The following PDCL3 variants were observed in gnomAD, a reference collection of about 807,000 sequenced individuals.
The protein encoded by PDCL3 is phosducin like 3.
A neutral mutation model predicts 26.5 loss-of-function variants in PDCL3; 22 were observed. The ratio of observed to expected loss-of-function variants is 0.83; its 90% CI spans 0.59 to 1.19. The LOEUF (loss-of-function observed/expected upper bound fraction) is 1.19, where lower values mean the gene tolerates loss of function less well. PDCL3 is among the 50% of genes most tolerant of loss of function. The probability of loss-of-function intolerance (pLI) is 0.00; values close to 1 mark genes in which losing one functional copy is unlikely to be tolerated. For synonymous variants in PDCL3, 81 were observed against 104.9 expected (o/e 0.77, Z 1.39); for missense variants, 246 against 294.1 (o/e 0.84, Z 1.20).
At chr2:100,573,665 C>T (rs1675222476) in intron 5 of PDCL3, among the ~76,000 whole-genome samples, 1 of 144,068 alleles carries the variant, frequency 6.9e-6, no homozygotes. Context: ...GAGCGAAACT[C>T]TATCTCAAAA....
rs1674979951 is a variant in PDCL3 at position 100,563,087 on chromosome 2, G to C, written c.6+14G>C. The C allele has an allele frequency of 6.2e-7, 1 of 1,601,892 alleles. No individual in the cohort carries two copies. The highest frequency in any genetic ancestry group is 8.5e-7 in the Non-Finnish European group (1 of 1,174,858). On this transcript the variant is annotated intron_variant, in intron 1 of 5. Coordinates refer to ENST00000264254, the MANE Select transcript of PDCL3 (RefSeq NM_024065.5). ...AACAAGATGCAGGTGAGCTAGGACG[G>C]GTCTCGGGTCTGGGGGCTGCGGCCC...
intron 5 of PDCL3, among the ~76,000 whole-genome samples, chr2:100,573,751 C>G (rs1032803264): frequency 2.0e-5 from 3 of 151,000 alleles, no homozygotes; most frequent in Non-Finnish European, 2.9e-5. Flanking sequence ...ATAGGAGATA[C>G]ATCAGTTACA....
At chr2:100,563,501 G>GAGAGCCAGGTGAGGGCTTAGTTAC (rs1269579308) in intron 1 of PDCL3, 1 of 164,522 alleles carries the variant, frequency 6.1e-6, no homozygotes. Flanking sequence ...TGGCTCCACT[G>GAGAGCCAGGTGAGGGCTTAGTTAC]AGAGCCAGGT....
At chr2:100,573,150 T>C (rs1675211940) in intron 5 of PDCL3, among the ~76,000 whole-genome samples, 1 of 151,938 alleles carries the variant, frequency 6.6e-6, no homozygotes, top group African/African-American at 2.4e-5. Context: ...CCCAAAGTGC[T>C]GAGATTACAG....
intron 4 of PDCL3, among the ~76,000 whole-genome samples, chr2:100,570,742 C>T (rs6739992): frequency 0.49 from 73,904 of 151,728 alleles, 19,306 homozygotes; most frequent in East Asian, 0.97. Context: ...TCCCAAAGTG[C>T]TGGGATTACA....
chr2:100,568,869 GAA>G (rs1675106951), intron 2 of PDCL3, 60 bp from the exon 3 acceptor site: 3 of 1,394,734 alleles, frequency 2.2e-6, no homozygotes, highest in South Asian at 2.3e-5. Context: ...GGGGAAAAAA[GAA>G]AAATACATGT....
At chr2:100,572,249 T>C (rs1273962593) in intron 5 of PDCL3, among the ~76,000 whole-genome samples, 1 of 152,198 alleles carries the variant, frequency 6.6e-6, no homozygotes, top group Non-Finnish European at 1.5e-5. Flanking sequence ...TCTTGCTCTG[T>C]CACCCAGGCT....
intron 5 of PDCL3, among the ~76,000 whole-genome samples, chr2:100,572,463 C>G (rs1472602475): frequency 2.0e-5 from 3 of 152,110 alleles, no homozygotes; most frequent in Admixed American, 1.3e-4. Flanking sequence ...CTACCCACTT[C>G]AGCCTCCCAA....
At chr2:100,571,114 CAAAAAA>C (rs59012685) in intron 4 of PDCL3, among the ~76,000 whole-genome samples, 5 of 109,080 alleles carry the variant, frequency 4.6e-5, no homozygotes, top group East Asian at 2.5e-4. Flanking sequence ...CCTGTCTTTA[CAAAAAA>C]AAAAAAAAAA....
At position 100,576,479 on chromosome 2, in the gene PDCL3, G is replaced by C. The variant is rs755373995; in HGVS notation, c.703G>C (p.Asp235His). The C allele has an allele frequency of 1.9e-6, 3 of 1,606,118 alleles. No homozygotes were observed. In the African/African-American group the frequency reaches 4.0e-5, roughly 22 times the overall value. The change falls in exon 6 of 6, where the codon GAT becomes CAT. Residue 235 changes from aspartate to histidine, a missense_variant. Physicochemically the swap from Asp to His is moderately conservative, Grantham distance 81 (BLOSUM62 -1). Transcript: ENST00000264254. Reference sequence around the variant, plus strand: ...CTCTGTCCTCATGAAGAGGGACAGCGATTCCGAGGGTGACTGAGGCTACAG... The same window carrying C: ...CTCTGTCCTCATGAAGAGGGACAGCCATTCCGAGGGTGACTGAGGCTACAG... The part of the protein sequence containing the change: ...RRSVLMKRDS[D>H]SEGD
At chr2:100,571,957 G>C (rs568435861) in intron 5 of PDCL3, 159 bp downstream of exon 5, 1 of 675,654 alleles carries the variant, frequency 1.5e-6, no homozygotes, top group Non-Finnish European at 2.6e-6. Flanking sequence ...TCTTAGTTGC[G>C]TAATCAGGAA....
At chr2:100,575,855 T>C (rs895791881) in intron 5 of PDCL3, among the ~76,000 whole-genome samples, 7 of 152,202 alleles carry the variant, frequency 4.6e-5, no homozygotes, top group African/African-American at 1.4e-4. Flanking sequence ...TTTTTCATGC[T>C]GATTTCCTTC....
intron 1 of PDCL3, among the ~76,000 whole-genome samples, chr2:100,565,942 C>CGT (rs1209363697): frequency 1.3e-5 from 2 of 152,108 alleles, no homozygotes; most frequent in Non-Finnish European, 2.9e-5. Flanking sequence ...CTTGCTCTGT[C>CGT]GCCCAGGCTG....
In PDCL3 at chr2:100,566,563, A is replaced by G; in HGVS notation, c.67A>G (p.Lys23Glu). Residue 23 changes from lysine to glutamate, a missense_variant, in exon 2 of 6, where the codon AAG (lysine) becomes GAG (glutamate). Physicochemically the swap from Lys to Glu is moderately conservative, Grantham distance 56 (BLOSUM62 1). Coordinates refer to ENST00000264254, the MANE Select transcript of PDCL3 (RefSeq NM_024065.5). ...ACGCAAAAAGGGTATCTTACCCCCC[A>G]AGGAAAGTCTGAAAGAATTGGAAGA... ...ILRKKGILPP[K>E]ESLKELEEEA... The G allele has an allele frequency of 1.2e-6, 2 of 1,613,936 alleles. No homozygotes were observed. Among genetic ancestry groups the G allele is most frequent in the Non-Finnish European group, 1.7e-6 (2 of 1,179,942 alleles).
chr2:100,569,055 T>G, intron 3 of PDCL3, 34 bp downstream of exon 3: 1 of 1,570,610 alleles, frequency 6.4e-7, no homozygotes, highest in East Asian at 2.2e-5. Flanking sequence ...TTTGTTTTTT[T>G]GTTGTTGTTT....
chr2:100,569,739 T>TC lies in PDCL3; in HGVS notation c.368+20dup. On this transcript the variant is annotated intron_variant, in intron 4 of 5. Coordinates refer to ENST00000264254, the MANE Select transcript of PDCL3 (RefSeq NM_024065.5). Reference sequence around the variant, plus strand: ...AAACAAGGGTGAGCTGATCTTCCACTCCATCTATCAAATGTTAATTTGAAT... The same window carrying TC: ...AAACAAGGGTGAGCTGATCTTCCACTCCCATCTATCAAATGTTAATTTGAAT... 1.3e-6 allele frequency: 2 copies of TC among 1,599,588 alleles called. No homozygotes were observed. Among genetic ancestry groups the TC allele is most frequent in the Non-Finnish European group, 1.7e-6 (2 of 1,173,076 alleles).
At chr2:100,576,268 T>C in intron 5 of PDCL3, 86 bp from the exon 6 acceptor site, 1 of 1,466,992 alleles carries the variant, frequency 6.8e-7, no homozygotes, top group South Asian at 1.3e-5. Flanking sequence ...ATTTTCTACT[T>C]AGAAAAAACT....
chr2:100,569,691 T>C lies in PDCL3; in HGVS notation c.338T>C (p.Leu113Ser), dbSNP rs1188346117. Residue 113 changes from leucine (L) to serine (S), a missense_variant, in exon 4 of 6, where the codon TTG becomes TCG. Coordinates refer to ENST00000264254, the MANE Select transcript of PDCL3 (RefSeq NM_024065.5). The stretch of plus-strand genomic sequence containing the variant: ...GAAGTTACCAAAGCTGGCGAGGGCT[T>C]GTGGGTCATCTTGCACCTTTACAAA... ...VQEVTKAGEG[L>S]WVILHLYKQG... The C allele has an allele frequency of 1.2e-6, 2 of 1,613,762 alleles. No individual in the cohort carries two copies. Among genetic ancestry groups the C allele is most frequent in the Non-Finnish European group, 1.7e-6 (2 of 1,179,888 alleles).
chr2:100,571,410 A>G (rs1316128618), intron 4 of PDCL3, among the ~76,000 whole-genome samples, 180 bp from the exon 5 acceptor site: 1 of 152,128 alleles, frequency 6.6e-6, no homozygotes, highest in Non-Finnish European at 1.5e-5. Context: ...ACTTCACTCC[A>G]TTTAGCCTGG....
Sources: gnomAD v4.1 joint callset for allele counts (sites outside exome capture counted in the v4.1 genomes callset) on GRCh38, gnomAD v4.1.1 for gene constraint, MANE v1.5 for transcripts, NCBI Gene and HGNC (gene_info 2026-07-23, HGNC 2026-07-21) for gene names.